The following SPINK1 variants were observed in gnomAD, a reference collection of about 807,000 sequenced individuals.
The protein encoded by SPINK1 is serine protease inhibitor Kazal-type 1.
Under a neutral mutation model 9.5 loss-of-function variants are expected in SPINK1, and 5 were observed. That is an observed-to-expected ratio of 0.52 (90% CI 0.27 to 1.10). The LOEUF (loss-of-function observed/expected upper bound fraction) is 1.10. SPINK1 is among the 50% of genes least tolerant of loss of function. SPINK1 has a pLI of 0.11. For missense variants in SPINK1, 88 were observed against 92.7 expected, an observed-to-expected ratio of 0.95 and a Z score of 0.21; for synonymous variants, 37 against 32.3, an observed-to-expected ratio of 1.14 and a Z score of -0.49.
At chr5:147,825,973 T>C (rs1398776265) in intron 3 of SPINK1, among the ~76,000 whole-genome samples, 2 of 152,186 alleles carry the variant, frequency 1.3e-5, no homozygotes, top group Admixed American at 1.3e-4. Context: ...TAGCCACATT[T>C]AAGTTAGTGT....
At chr5:147,836,717 G>A in the SPINK1 span, among the ~76,000 whole-genome samples, 228 of 152,194 alleles carry the variant, frequency 1.5e-3, 1 homozygote, top group African/African-American at 5.0e-3. Flanking sequence ...ACTCTTAACT[G>A]GAAGTCTTTC....
chr5:147,834,173 G>T (rs1487102125), upstream of SPINK1, among the ~76,000 whole-genome samples: 1 of 152,026 alleles, frequency 6.6e-6, no homozygotes, highest in Non-Finnish European at 1.5e-5. Flanking sequence ...AAATACAGTT[G>T]CTTTATTTAT....
At chr5:147,827,939 G>A (rs916513791) in intron 3 of SPINK1, 83 bp downstream of exon 3, 5 of 1,042,778 alleles carry the variant, frequency 4.8e-6, no homozygotes, top group Non-Finnish European at 7.1e-6. Context: ...TGCTTTTCTC[G>A]GGGTGAGATT....
At chr5:147,833,469 C>A (rs1756543618), upstream of SPINK1, among the ~76,000 whole-genome samples, 1 of 152,118 alleles carries the variant, frequency 6.6e-6, no homozygotes. Flanking sequence ...AGCTTCTTTT[C>A]TTTCCAGTAG....
upstream of SPINK1, among the ~76,000 whole-genome samples, chr5:147,832,462 G>A (rs1756525181): frequency 6.6e-6 from 1 of 152,126 alleles, no homozygotes; most frequent in Non-Finnish European, 1.5e-5. Flanking sequence ...AACGACCTTA[G>A]AAAATACGTA....
chr5:147,827,991 T>C (rs774776678), intron 3 of SPINK1, 31 bp downstream of exon 3: 3 of 1,511,446 alleles, frequency 2.0e-6, no homozygotes, highest in Non-Finnish European at 9.1e-7. Context: ...TTAAAATATA[T>C]AGTTTAAAAG....
chr5:147,829,577 G>T (rs1028161433), intron 2 of SPINK1, 22 bp downstream of exon 2: 1 of 1,610,476 alleles, frequency 6.2e-7, no homozygotes. Context: ...TGAGAAATAA[G>T]AAATTACAAA....
chr5:147,829,359 C>A (rs1446671447), intron 2 of SPINK1, among the ~76,000 whole-genome samples: 1 of 152,142 alleles, frequency 6.6e-6, no homozygotes, highest in East Asian at 1.9e-4. Flanking sequence ...ATATAAAAAC[C>A]CCTTCACAGC....
intron 2 of SPINK1, among the ~76,000 whole-genome samples, chr5:147,828,973 C>G (rs1163977273): frequency 6.6e-6 from 1 of 152,026 alleles, no homozygotes; most frequent in East Asian, 1.9e-4. Context: ...GGCTAAGTTC[C>G]TAACGGCAGC....
At chr5:147,831,153 A>G (rs995107853) in intron 1 of SPINK1, among the ~76,000 whole-genome samples, 4 of 152,198 alleles carry the variant, frequency 2.6e-5, no homozygotes, top group Admixed American at 6.5e-5. Flanking sequence ...CCATTTATCT[A>G]TTTTATGCAA....
chr5:147,828,163 A>G, intron 2 of SPINK1, 35 bp from the exon 3 acceptor site: 1 of 1,518,042 alleles, frequency 6.6e-7, no homozygotes. Context: ...ATTTCCCATT[A>G]TTCTCCATTC....
rs750670272 is a variant in SPINK1, at chr5:147,828,039, C to T, written c.177G>A (p.Val59=). ...GTACTCACCGATTTTCAAAACATAA[C>T]ACGCATTCATTGGGATAAGTATTTC... is the stretch of plus-strand genomic sequence containing the variant. ...TDGNTYPNEC[V]LCFENRKRQT... Residue 59 remains valine (V), a synonymous_variant, in exon 3 of 4, where the codon GTG becomes GTA. Transcript: ENST00000296695. 32 of 1,612,862 alleles carry T rather than the reference C, an allele frequency of 2.0e-5. No individual in the cohort carries two copies. The highest frequency in any genetic ancestry group is 4.4e-5 in the South Asian group (4 of 91,010).
Position 147,824,613 on chromosome 5 carries a change from G to A in SPINK1, c.*48C>T, listed in dbSNP as rs763350070. On this transcript the variant is annotated 3_prime_UTR_variant, in exon 4 of 4. Transcript: ENST00000296695. ...TCAGATACATTTATTCAACAATAAG[G>A]CCAGTCAGGCCTCGCGGTGACCTGA... The A allele has an allele frequency of 2.3e-5, 36 of 1,577,884 alleles. No individual in the cohort carries two copies. In the Middle Eastern group the frequency reaches 1.8e-3, roughly 80 times the overall value.
upstream of SPINK1, among the ~76,000 whole-genome samples, chr5:147,835,121 A>G (rs1756574876): frequency 6.6e-6 from 1 of 152,106 alleles, no homozygotes; most frequent in South Asian, 2.1e-4. Flanking sequence ...GTTAAAGAGG[A>G]TAAAAAAAAC....
chr5:147,828,571 C>T (rs140918923), intron 2 of SPINK1, among the ~76,000 whole-genome samples: 243 of 152,302 alleles, frequency 1.6e-3, no homozygotes, highest in African/African-American at 5.5e-3. Flanking sequence ...CACTTAAAGG[C>T]ACTAGGCATT....
In SPINK1 at chr5:147,824,608, A is replaced by G; in HGVS notation, c.*53T>C. The G allele has an allele frequency of 6.4e-7, 1 of 1,557,802 alleles. No homozygotes were observed. Among genetic ancestry groups the G allele is most frequent in the Non-Finnish European group, 8.9e-7 (1 of 1,129,310 alleles). On this transcript the variant is annotated 3_prime_UTR_variant, in exon 4 of 4. Coordinates refer to ENST00000296695, the MANE Select transcript of SPINK1 (RefSeq NM_001379610.1). ...GATATTCAGATACATTTATTCAACA[A>G]TAAGGCCAGTCAGGCCTCGCGGTGA...
At chr5:147,832,455 G>A (rs922222216), upstream of SPINK1, among the ~76,000 whole-genome samples, 1 of 152,030 alleles carries the variant, frequency 6.6e-6, no homozygotes, top group African/African-American at 2.4e-5. Flanking sequence ...TATAACAAAC[G>A]ACCTTAGAAA....
intron 1 of SPINK1, among the ~76,000 whole-genome samples, chr5:147,830,700 A>G (rs1411233234): frequency 6.6e-6 from 1 of 152,172 alleles, no homozygotes; most frequent in Non-Finnish European, 1.5e-5. Context: ...AAATAAAACA[A>G]ACAATATTCT....
chr5:147,827,741 C>T (rs1756434598), intron 3 of SPINK1: 1 of 267,782 alleles, frequency 3.7e-6, no homozygotes, highest in Non-Finnish European at 7.0e-6. Flanking sequence ...ATCATTGCAA[C>T]CACTAATAAT....
Sources: allele counts gnomAD v4.1 joint callset (sites outside exome capture counted in the v4.1 genomes callset), GRCh38; gene constraint gnomAD v4.1.1; transcripts MANE v1.5; gene names NCBI Gene and HGNC (gene_info 2026-07-23, HGNC 2026-07-21).